The following USP5 variants were observed in gnomAD, a reference collection of about 807,000 sequenced individuals.
The protein encoded by USP5 is ubiquitin specific peptidase 5, also known as ubiquitin carboxyl-terminal hydrolase 5.
A neutral mutation model predicts 102.5 loss-of-function variants in USP5; 24 were observed. The observed-to-expected ratio is 0.23, with a 90% CI of 0.17 to 0.33. The LOEUF is 0.33. Ranked by LOEUF, USP5 falls within the 10% of genes least tolerant of loss-of-function variation. The pLI, the probability that USP5 is intolerant of heterozygous loss-of-function variation, is 1.00. For synonymous variants in USP5, 460 were observed against 434.8 expected, an observed-to-expected ratio of 1.06 and a Z score of -0.72; for missense variants, 753 against 1,122.1, an observed-to-expected ratio of 0.67 and a Z score of 4.70.
chr12:6,859,267 C>T (rs782490603), intron 8 of USP5, among the ~76,000 whole-genome samples: 1 of 152,174 alleles, frequency 6.6e-6, no homozygotes, highest in Non-Finnish European at 1.5e-5. Context: ...GCTCCTCTGC[C>T]GCCGAGCGTG....
rs1555128038 is a variant in USP5 at position 6,855,757 on chromosome 12, AGAG to A, written c.246_248del (p.Glu82del). On this transcript the variant is annotated inframe_deletion, in exon 3 of 20. Transcript: ENST00000229268. This position sits in a 1 kb window ranked among gnomAD's most constrained non-coding sequence, Gnocchi z 4.6. ...CAGCCCTTCCTGCTTCTTTACAGAA[AGAG>A]GAGGACCCTGCTACAGGCACTGGAG... 3.7e-6 allele frequency: 6 copies of A among 1,614,012 alleles called. No homozygotes were observed. The African/African-American group carries it at 5.3e-5, about 14-fold the overall frequency.
At position 6,856,467 on chromosome 12, in the gene USP5, C is replaced by T. The variant is rs781843611; in HGVS notation, c.584+17C>T. 12 of 1,592,960 alleles carry T rather than the reference C, an allele frequency of 7.5e-6. No individual in the cohort carries two copies. Among genetic ancestry groups the T allele is most frequent in the Non-Finnish European group, 1.0e-5 (12 of 1,168,936 alleles). ...CCCTCCCTGGTGAGGCCTGGCCCCT[C>T]TGCCTCGGGCACCACCCCCAGAGCA... On this transcript the variant is annotated intron_variant, in intron 5 of 19. Transcript: ENST00000229268. The surrounding 1 kb of genome is among the most constrained non-coding windows in gnomAD (Gnocchi z 5.6).
chr12:6,862,491 C>T lies in USP5; in HGVS notation c.1695C>T (p.Phe565=). ...VAVKTTRFAS[F]PDYLVIQIKK... ...CTAGGACCACACGATTTGCCTCATT[C>T]CCTGACTACCTGGTCATCCAGATCA... Residue 565 remains phenylalanine, a synonymous_variant, in exon 14 of 20, where the codon TTC becomes TTT. Transcript: ENST00000229268. 3 of 1,614,200 alleles carry T rather than the reference C, an allele frequency of 1.9e-6. No individual in the cohort carries two copies. The highest frequency in any genetic ancestry group is 2.5e-6 in the Non-Finnish European group (3 of 1,180,022).
chr12:6,860,381 A>G lies in USP5; in HGVS notation c.1234A>G (p.Ile412Val). ...VPEQKEVQDGIAPRMFKALIG... is the reference protein window; with the variant it reads ...VPEQKEVQDGVAPRMFKALIG... The stretch of plus-strand genomic sequence containing the variant: ...CTCTTCCCAGGAAGTTCAAGATGGC[A>G]TTGCCCCTCGGATGTTCAAGGCCCT... The change falls in exon 11 of 20, where the codon ATT becomes GTT. Residue 412 changes from isoleucine (I) to valine (V), a missense_variant. Transcript: ENST00000229268. This position sits in a 1 kb window ranked among gnomAD's most constrained non-coding sequence, Gnocchi z 5.5. The G allele has an allele frequency of 6.2e-7, 1 of 1,614,138 alleles. No homozygotes were observed.
chr12:6,860,565 C>G lies in USP5; in HGVS notation c.1344+74C>G. The G allele has an allele frequency of 6.3e-7, 1 of 1,596,980 alleles. No individual in the cohort carries two copies. Among genetic ancestry groups the G allele is most frequent in the Non-Finnish European group, 8.5e-7 (1 of 1,175,578 alleles). On this transcript the variant is annotated intron_variant, in intron 11 of 19. Transcript: ENST00000229268. This position sits in a 1 kb window ranked among gnomAD's most constrained non-coding sequence, Gnocchi z 5.5. ...CTCTCCTTCCTGCCCATTTCTCCCT[C>G]TATCAGCCCCAACCCAGTCCCATCC...
At chr12:6,859,047 A>T (rs1944198371) in intron 8 of USP5, among the ~76,000 whole-genome samples, 1 of 152,116 alleles carries the variant, frequency 6.6e-6, no homozygotes, top group African/African-American at 2.4e-5. Flanking sequence ...GGGCAGTGAC[A>T]TCAGATGAGC....
At chr12:6,853,121 A>G (rs1478296122) in intron 1 of USP5, among the ~76,000 whole-genome samples, 1 of 151,818 alleles carries the variant, frequency 6.6e-6, no homozygotes, top group Non-Finnish European at 1.5e-5. Context: ...TGCCTTCCCT[A>G]TGTCACCCTC....
chr12:6,860,660 C>G lies in USP5; in HGVS notation c.1344+169C>G, dbSNP rs782570639. On this transcript the variant is annotated intron_variant, in intron 11 of 19. Transcript: ENST00000229268. The surrounding 1 kb of genome is among the most constrained non-coding windows in gnomAD (Gnocchi z 5.5). Reference sequence around the variant, plus strand: ...GAGGAGGACAGTGAAGGTGATGATCCCTACCCTTGATGGGCTTGAAGCCCA... The same window carrying G: ...GAGGAGGACAGTGAAGGTGATGATCGCTACCCTTGATGGGCTTGAAGCCCA... 6.6e-6 allele frequency among the ~76,000 whole-genome samples: 1 copy of G among 152,278 alleles called. No individual in the cohort carries two copies. Among genetic ancestry groups the G allele is most frequent in the South Asian group, 2.1e-4 (1 of 4,824 alleles).
In USP5 at chr12:6,858,117, G is replaced by A. The variant is rs1321964079; in HGVS notation, c.865-307G>A. 1.3e-5 allele frequency among the ~76,000 whole-genome samples: 2 copies of A among 152,202 alleles called. No homozygotes were observed. The highest frequency in any genetic ancestry group is 2.9e-5 in the Non-Finnish European group (2 of 68,036). ...GGATCAGGGACATTTCCCTGAGGAA[G>A]CGATGCTTAACTGACAATGTGAAGG... On this transcript the variant is annotated intron_variant, in intron 7 of 19. Transcript: ENST00000229268. The surrounding 1 kb of genome is among the most constrained non-coding windows in gnomAD (Gnocchi z 4.2).
chr12:6,859,380 C>A (rs781997530), intron 8 of USP5, 90 bp from the exon 9 acceptor site: 22 of 1,338,842 alleles, frequency 1.6e-5, no homozygotes, highest in Non-Finnish European at 2.2e-5. Context: ...GAGGGGAGCC[C>A]GTTCACAGAG....
In USP5 at chr12:6,858,652, C is replaced by T; in HGVS notation, c.1058+35C>T. On this transcript the variant is annotated intron_variant, in intron 8 of 19. Transcript: ENST00000229268. The surrounding 1 kb of genome is among the most constrained non-coding windows in gnomAD (Gnocchi z 4.2). ...GCCCTCTCCTTCCCCAGGCCCCCTC[C>T]TGGTCAGCACCCTCTGGGCATACTC... The T allele has an allele frequency of 1.3e-6, 2 of 1,571,902 alleles. No individual in the cohort carries two copies. Among genetic ancestry groups the T allele is most frequent in the Non-Finnish European group, 1.7e-6 (2 of 1,148,670 alleles).
intron 1 of USP5, among the ~76,000 whole-genome samples, chr12:6,852,905 C>G (rs1264520122): frequency 1.3e-5 from 2 of 151,876 alleles, no homozygotes; most frequent in East Asian, 3.9e-4. Context: ...GGCCGCAGCC[C>G]CCACCCTTCC....
In USP5 at chr12:6,863,978, G is replaced by A; in HGVS notation, c.2098+5G>A. 1.3e-6 allele frequency: 2 copies of A among 1,587,940 alleles called. No homozygotes were observed. Among genetic ancestry groups the A allele is most frequent in the Non-Finnish European group, 1.7e-6 (2 of 1,162,362 alleles). On this transcript the variant is annotated splice_donor_5th_base_variant and intron_variant, in intron 16 of 19. Transcript: ENST00000229268. This position sits in a 1 kb window ranked among gnomAD's most constrained non-coding sequence, Gnocchi z 4.7. ...TGTCACACATGGATGATCCAGGTAG[G>A]CTGGGGTGGGGAGCAGGGTGGGGCA...
chr12:6,859,998 G>A (rs1481884352), intron 9 of USP5, among the ~76,000 whole-genome samples, 153 bp from the exon 10 acceptor site: 1 of 152,184 alleles, frequency 6.6e-6, no homozygotes, highest in African/African-American at 2.4e-5. Flanking sequence ...TCTTCTGGAC[G>A]TGTTGTCTGT....
Position 6,855,327 on chromosome 12 carries a change from C to A in USP5, c.112-74C>A. On this transcript the variant is annotated intron_variant, in intron 1 of 19. Transcript: ENST00000229268. The surrounding 1 kb of genome is among the most constrained non-coding windows in gnomAD (Gnocchi z 4.6). ...TTCTGGAACCCAGCAGTTTCTGACTCCAGGTTTTGGTTTCCTCACCTGACC... is the reference window on the plus strand; with the variant it reads ...TTCTGGAACCCAGCAGTTTCTGACTACAGGTTTTGGTTTCCTCACCTGACC... The A allele has an allele frequency of 6.3e-7, 1 of 1,579,068 alleles. No individual in the cohort carries two copies. Among genetic ancestry groups the A allele is most frequent in the South Asian group, 1.2e-5 (1 of 86,592 alleles).
In USP5 at chr12:6,858,281, C is replaced by A; in HGVS notation, c.865-143C>A. 1 of 819,726 alleles carries A rather than the reference C, an allele frequency of 1.2e-6. No individual in the cohort carries two copies. Among genetic ancestry groups the A allele is most frequent in the Non-Finnish European group, 1.9e-6 (1 of 537,410 alleles). The allele number at this position is 819,726 out of a possible 1,614,324, so 50.8% of individuals were successfully genotyped here. ...CTTCCAGAACTTGAACTGGACGATACTCAACATACCTCCCATGTTTGAGCC... is the reference window on the plus strand; with the variant it reads ...CTTCCAGAACTTGAACTGGACGATAATCAACATACCTCCCATGTTTGAGCC... On this transcript the variant is annotated intron_variant, in intron 7 of 19. Transcript: ENST00000229268. This position sits in a 1 kb window ranked among gnomAD's most constrained non-coding sequence, Gnocchi z 4.2.
chr12:6,853,975 A>C (rs1330062549), intron 1 of USP5, among the ~76,000 whole-genome samples: 6 of 152,206 alleles, frequency 3.9e-5, no homozygotes. Context: ...TTCCTGGAAG[A>C]GGATGTCTGT....
rs965469390 is a variant in USP5, at chr12:6,861,484, G to A, written c.1540G>A (p.Glu514Lys). ...EYEEKKRQAE[E>K]EKMALPELVR... is the part of the protein sequence containing the mutation. Reference sequence around the variant, plus strand: ...CGAGGAGAAGAAGCGGCAAGCCGAAGAGGAGAAGATGGCACTGCCAGAACT... The same window carrying A: ...CGAGGAGAAGAAGCGGCAAGCCGAAAAGGAGAAGATGGCACTGCCAGAACT... Residue 514 changes from glutamate to lysine, a missense_variant, in exon 13 of 20, where the codon GAG becomes AAG. Coordinates refer to ENST00000229268, the MANE Select transcript of USP5 (RefSeq NM_001098536.2). The surrounding 1 kb of genome is among the most constrained non-coding windows in gnomAD (Gnocchi z 4.9). The A allele has an allele frequency of 6.3e-7, 1 of 1,592,574 alleles. No homozygotes were observed. Among genetic ancestry groups the A allele is most frequent in the African/African-American group, 1.3e-5 (1 of 74,426 alleles).
chr12:6,862,564 G>T lies in USP5; in HGVS notation c.1762+6G>T, dbSNP rs1555129807. 16 of 1,613,528 alleles carry T rather than the reference G, an allele frequency of 9.9e-6. No individual in the cohort carries two copies. Among genetic ancestry groups the T allele is most frequent in the Non-Finnish European group, 1.4e-5 (16 of 1,179,454 alleles). On this transcript the variant is annotated splice_donor_region_variant and intron_variant, in intron 14 of 19. Coordinates refer to ENST00000229268, the MANE Select transcript of USP5 (RefSeq NM_001098536.2). ...CTGGGTGCCCAAGAAACTGGGTATG[G>T]CTGCTGGAATGAGGGAGGTTACACA...
Sources: gnomAD v4.1 joint callset for allele counts (sites outside exome capture counted in the v4.1 genomes callset) on GRCh38, gnomAD v4.1.1 for gene constraint, Gnocchi (gnomAD v3.1) non-coding constraint, MANE v1.5 for transcripts, NCBI Gene and HGNC (gene_info 2026-07-23, HGNC 2026-07-21) for gene names.